The following PAIP2B variants were observed in gnomAD, a reference collection of about 807,000 sequenced individuals.
PAIP2B encodes poly(A) binding protein interacting protein 2B, also known as polyadenylate-binding protein-interacting protein 2B.
Under a neutral mutation model 17.0 loss-of-function variants are expected in PAIP2B, and 13 were observed. The ratio of observed to expected loss-of-function variants is 0.76; its 90% CI spans 0.50 to 1.22. The LOEUF (loss-of-function observed/expected upper bound fraction) is 1.22, where lower values mean the gene tolerates loss of function less well. Ranked by LOEUF, PAIP2B falls within the 50% of genes most tolerant of loss-of-function variation. The pLI is 0.00. For missense variants in PAIP2B, 117 were observed against 144.5 expected (o/e 0.81, Z 0.98); for synonymous variants, 43 against 48.7 (o/e 0.88, Z 0.48).
chr2:71,198,346 C>T lies in PAIP2B; in HGVS notation c.138+4106G>A, dbSNP rs371295051. On this transcript the variant is annotated intron_variant, in intron 2 of 3. Transcript: ENST00000244221. ...TGTCGCCCAGGCTGGAGTGCAGTGG[C>T]GCGATCTCGGCTCACTGCAAGCTCC... 3.3e-4 allele frequency among the ~76,000 whole-genome samples: 47 copies of T among 142,884 alleles called. No homozygotes were observed. In the East Asian group the frequency reaches 7.6e-3, roughly 23 times the overall value. The allele number at this position is 142,884 out of a possible 152,430, so 93.7% of individuals were successfully genotyped here.
chr2:71,184,597 G>C lies in PAIP2B; in HGVS notation c.*3882C>G, dbSNP rs1425470193. 6.6e-6 allele frequency: 1 copy of C among 152,244 alleles called. No individual in the cohort carries two copies. Among genetic ancestry groups the C allele is most frequent in the African/African-American group, 2.4e-5 (1 of 41,454 alleles). 9.4% of individuals were successfully genotyped at this position (152,244 alleles called of 1,614,324 possible). A position where few individuals can be genotyped will look rare whatever the true frequency, so the allele number is the denominator to read the frequency against. The stretch of plus-strand genomic sequence containing the variant: ...AATTGTAACTAACCAAGTCTGTGTA[G>C]GAAATTCACAAGGCAGCAGAGCAGA... On this transcript the variant is annotated 3_prime_UTR_variant, in exon 4 of 4. Transcript: ENST00000244221.
chr2:71,190,416 C>T (rs1674659622), intron 2 of PAIP2B, among the ~76,000 whole-genome samples: 1 of 151,858 alleles, frequency 6.6e-6, no homozygotes, highest in Non-Finnish European at 1.5e-5. Context: ...AGAATGAGAC[C>T]CCGATTCTTT....
At chr2:71,198,317 G>A (rs867241879) in intron 2 of PAIP2B, among the ~76,000 whole-genome samples, 4 of 140,236 alleles carry the variant, frequency 2.9e-5, no homozygotes, top group East Asian at 2.1e-4. Context: ...ACAGAGTCTC[G>A]CTCTGTCGCC....
intron 2 of PAIP2B, among the ~76,000 whole-genome samples, chr2:71,199,424 AT>A (rs765692184): frequency 7.9e-5 from 12 of 151,638 alleles, no homozygotes; most frequent in Non-Finnish European, 1.6e-4. Context: ...AAAAAAAAAA[AT>A]CTAGTTAGAA....
chr2:71,207,231 T>A (rs969303799), intron 1 of PAIP2B, among the ~76,000 whole-genome samples: 1 of 152,158 alleles, frequency 6.6e-6, no homozygotes, highest in Non-Finnish European at 1.5e-5. Flanking sequence ...CAGAAAGGTT[T>A]CCCTGAGCAA....
At chr2:71,208,145 C>T (rs995125859) in intron 1 of PAIP2B, among the ~76,000 whole-genome samples, 19 of 152,100 alleles carry the variant, frequency 1.2e-4, no homozygotes, top group East Asian at 3.9e-4. Context: ...AGGTAGAAGC[C>T]GGGCACTGTG....
At chr2:71,205,838 G>A (rs533166211) in intron 1 of PAIP2B, among the ~76,000 whole-genome samples, 80 of 152,152 alleles carry the variant, frequency 5.3e-4, no homozygotes, top group Middle Eastern at 3.2e-3. Context: ...TACATAAATC[G>A]GGTTAAGAGG....
At chr2:71,225,290 C>T (rs1675690519) in intron 1 of PAIP2B, among the ~76,000 whole-genome samples, 2 of 152,104 alleles carry the variant, frequency 1.3e-5, no homozygotes, top group South Asian at 2.1e-4. Flanking sequence ...AGACTTTTTT[C>T]TTTATATACA....
chr2:71,190,079 A>T (rs920892749), intron 2 of PAIP2B, 58 bp from the exon 3 acceptor site: 1 of 1,493,712 alleles, frequency 6.7e-7, no homozygotes, highest in African/African-American at 1.4e-5. Flanking sequence ...TACCCCTTCC[A>T]GTTTTTCCTC....
intron 1 of PAIP2B, among the ~76,000 whole-genome samples, chr2:71,203,261 T>C (rs1675032469): frequency 6.6e-6 from 1 of 152,164 alleles, no homozygotes; most frequent in Non-Finnish European, 1.5e-5. Flanking sequence ...TTGCTTTTTC[T>C]CATTCCTATG....
chr2:71,207,473 C>T (rs1558778605), intron 1 of PAIP2B, among the ~76,000 whole-genome samples: 1 of 152,040 alleles, frequency 6.6e-6, no homozygotes, highest in Non-Finnish European at 1.5e-5. Flanking sequence ...TGGATTTCAT[C>T]CTAAATAATA....
chr2:71,207,362 C>G (rs76609413), intron 1 of PAIP2B, among the ~76,000 whole-genome samples: 1 of 151,922 alleles, frequency 6.6e-6, no homozygotes, highest in South Asian at 2.1e-4. Flanking sequence ...AAGGTAGGTA[C>G]GTATATAGCC....
At position 71,188,398 on chromosome 2, in the gene PAIP2B, C is replaced by CAA; in HGVS notation, c.*80_*81insTT. 3 of 1,094,690 alleles carry CAA rather than the reference C, an allele frequency of 2.7e-6. No individual in the cohort carries two copies. The highest frequency in any genetic ancestry group is 2.7e-6 in the Non-Finnish European group (2 of 743,386). The allele number at this position is 1,094,690 out of a possible 1,614,324, so 67.8% of individuals were successfully genotyped here. A position where few individuals can be genotyped will look rare whatever the true frequency, so the allele number is the denominator to read the frequency against. ...GCTGTGCACCCCTCGCCCGCCCCATCCCCCTCTTCAGCTCCACCATTTTGT... is the reference window on the plus strand; with the variant it reads ...GCTGTGCACCCCTCGCCCGCCCCATCAACCCCTCTTCAGCTCCACCATTTTGT... On this transcript the variant is annotated 3_prime_UTR_variant, in exon 4 of 4. Transcript: ENST00000244221.
Position 71,226,375 on chromosome 2 carries a change from G to C in PAIP2B, c.-12+553C>G, listed in dbSNP as rs115810505. ...CGGACCGCAAGGCACAAGAGAAGTG[G>C]CGAACGTCTCCCAGGCAAATGAGGC... On this transcript the variant is annotated intron_variant, in intron 1 of 3. Coordinates refer to ENST00000244221, the MANE Select transcript of PAIP2B (RefSeq NM_020459.1). Among the ~76,000 whole-genome samples the C allele has an allele frequency of 8.4e-3, 1,274 of 152,278 alleles. 17 individuals are homozygous for C. Among genetic ancestry groups the C allele is most frequent in the African/African-American group, 0.029 (1,199 of 41,548 alleles).
chr2:71,198,091 T>C (rs1674869470), intron 2 of PAIP2B, among the ~76,000 whole-genome samples: 1 of 152,208 alleles, frequency 6.6e-6, no homozygotes, highest in Non-Finnish European at 1.5e-5. Context: ...GTTCATTCCT[T>C]TCTATTCTTC....
At position 71,189,942 on chromosome 2, in the gene PAIP2B, A is replaced by C. The variant is rs759044995; in HGVS notation, c.218T>G (p.Phe73Cys). Residue 73 changes from phenylalanine (F) to cysteine (C), a missense_variant, in exon 3 of 4, where the codon TTT (phenylalanine) becomes TGT (cysteine). By Grantham distance (205) the Phe-to-Cys change is radical. Transcript: ENST00000244221. ...EMLDEEDQDW[F>C]IPSRDLPQAM... ...CTGAGGCAGGTCTCGTGAGGGAATA[A>C]ACCAGTCTTGGTCTTCTTCATCCAG... The C allele has an allele frequency of 2.4e-5, 38 of 1,609,494 alleles. No homozygotes were observed. The highest frequency in any genetic ancestry group is 3.0e-5 in the Non-Finnish European group (35 of 1,178,076).
chr2:71,198,398 G>C (rs943719454), intron 2 of PAIP2B, among the ~76,000 whole-genome samples: 2 of 151,386 alleles, frequency 1.3e-5, no homozygotes, highest in Non-Finnish European at 2.9e-5. Context: ...CCATTCTCCT[G>C]CCTCAGCCTC....
intron 1 of PAIP2B, among the ~76,000 whole-genome samples, chr2:71,213,236 A>G (rs1675345495): frequency 6.6e-6 from 1 of 152,192 alleles, no homozygotes. Flanking sequence ...AACAAAAATC[A>G]CAAAAAGGGA....
intron 2 of PAIP2B, among the ~76,000 whole-genome samples, chr2:71,193,793 G>A (rs1193506599): frequency 6.6e-6 from 1 of 151,992 alleles, no homozygotes; most frequent in Non-Finnish European, 1.5e-5. Context: ...GGCGGAGCTT[G>A]CAGTGAGTAC....
Sources: allele counts gnomAD v4.1 joint callset (sites outside exome capture counted in the v4.1 genomes callset), GRCh38; gene constraint gnomAD v4.1.1; transcripts MANE v1.5; gene names NCBI Gene and HGNC (gene_info 2026-07-23, HGNC 2026-07-21).